Variants in ALG6 observed in about 807,000 individuals in gnomAD.
The protein encoded by ALG6 is dolichyl pyrophosphate Man9GlcNAc2 alpha-1,3-glucosyltransferase.
In ALG6, 46 loss-of-function variants were observed where a neutral mutation model predicts 66.6. That is an observed-to-expected ratio of 0.69 (90% CI 0.55 to 0.88). The LOEUF (loss-of-function observed/expected upper bound fraction) is 0.88. Ranked by LOEUF, ALG6 falls within the 40% of genes least tolerant of loss-of-function variation. The probability of loss-of-function intolerance (pLI) is 0.00; values close to 1 mark genes in which losing one functional copy is unlikely to be tolerated. For missense variants in ALG6, 505 were observed against 586.8 expected (o/e 0.86, Z 1.44); for synonymous variants, 185 against 203.7 (o/e 0.91, Z 0.78).
At chr1:63,404,350 A>C in intron 4 of ALG6, 103 bp from the exon 5 acceptor site, 11 of 924,882 alleles carry the variant, frequency 1.2e-5, no homozygotes, top group Non-Finnish European at 1.8e-5. Context: ...TATAAGAGAA[A>C]TGGCCAATTC....
intron 2 of ALG6, among the ~76,000 whole-genome samples, chr1:63,375,928 T>C (rs1648109072): frequency 6.6e-6 from 1 of 152,218 alleles, no homozygotes. Context: ...TTACATTTTC[T>C]GCTGTATCAA....
At chr1:63,434,712 A>C (rs2100446042) in intron 14 of ALG6, among the ~76,000 whole-genome samples, 1 of 152,306 alleles carries the variant, frequency 6.6e-6, no homozygotes, top group East Asian at 1.9e-4. Context: ...GGAAGCCAAA[A>C]GATTGGACAA....
chr1:63,389,174 C>G (rs1287344882), intron 2 of ALG6, among the ~76,000 whole-genome samples: 2 of 152,016 alleles, frequency 1.3e-5, no homozygotes, highest in Non-Finnish European at 2.9e-5. Flanking sequence ...CCTGATCTCT[C>G]TCTCTCTCTC....
chr1:63,376,035 G>A (rs1470420788), intron 2 of ALG6, among the ~76,000 whole-genome samples: 2 of 152,108 alleles, frequency 1.3e-5, no homozygotes. Context: ...TATTAGTACA[G>A]TCATGCATTG....
At chr1:63,372,358 C>T (rs1647956470) in intron 2 of ALG6, among the ~76,000 whole-genome samples, 1 of 152,014 alleles carries the variant, frequency 6.6e-6, no homozygotes, top group Non-Finnish European at 1.5e-5. Context: ...ATGATATATA[C>T]ACAGACACAT....
At chr1:63,414,552 G>A (rs1286916604) in intron 10 of ALG6, among the ~76,000 whole-genome samples, 4 of 152,062 alleles carry the variant, frequency 2.6e-5, no homozygotes, top group Non-Finnish European at 5.9e-5. Flanking sequence ...ACCCAGCCGA[G>A]GTGTTTTTCT....
intron 4 of ALG6, among the ~76,000 whole-genome samples, chr1:63,403,398 C>T (rs780762656): frequency 6.6e-6 from 1 of 152,048 alleles, no homozygotes; most frequent in Non-Finnish European, 1.5e-5. Flanking sequence ...ATGGGAATTC[C>T]TCCTCCTTTT....
intron 4 of ALG6, among the ~76,000 whole-genome samples, chr1:63,403,141 TTTC>T (rs1006456006): frequency 6.7e-6 from 1 of 150,250 alleles, no homozygotes. Flanking sequence ...AGTTTGAACA[TTTC>T]TATAATTTTT....
chr1:63,382,640 AG>A, intron 2 of ALG6, among the ~76,000 whole-genome samples: 1 of 108,082 alleles, frequency 9.3e-6, no homozygotes, highest in South Asian at 3.8e-4. Flanking sequence ...TGCCTGGCTA[AG>A]TTTTTTTTTG....
intron 3 of ALG6, among the ~76,000 whole-genome samples, chr1:63,397,113 A>C (rs1478473019): frequency 6.6e-6 from 1 of 151,898 alleles, no homozygotes; most frequent in Non-Finnish European, 1.5e-5. Context: ...AATACCGTGC[A>C]TCTAGTATAG....
chr1:63,388,156 T>A (rs144755377), intron 2 of ALG6, among the ~76,000 whole-genome samples: 2 of 152,104 alleles, frequency 1.3e-5, no homozygotes, highest in East Asian at 3.9e-4. Flanking sequence ...TGACCTCAAG[T>A]GATCTGCCCA....
intron 2 of ALG6, among the ~76,000 whole-genome samples, chr1:63,387,588 C>G (rs1648541663): frequency 8.0e-6 from 1 of 125,638 alleles, no homozygotes; most frequent in South Asian, 2.6e-4. Flanking sequence ...GTTGCCCAGG[C>G]TGGAGTGCAG....
At chr1:63,409,082 A>C (rs1210931074) in intron 7 of ALG6, among the ~76,000 whole-genome samples, 2 of 152,184 alleles carry the variant, frequency 1.3e-5, no homozygotes, top group African/African-American at 4.8e-5. Context: ...GCCTAGCTCT[A>C]AGGACACATT....
intron 5 of ALG6, among the ~76,000 whole-genome samples, chr1:63,405,374 C>T (rs983924340): frequency 1.3e-5 from 2 of 152,072 alleles, no homozygotes; most frequent in Non-Finnish European, 2.9e-5. Context: ...TCAGAGAGCT[C>T]CAGTCATTAA....
chr1:63,391,351 A>G (rs1385710317), intron 2 of ALG6, among the ~76,000 whole-genome samples: 2 of 152,216 alleles, frequency 1.3e-5, no homozygotes, highest in Non-Finnish European at 2.9e-5. Flanking sequence ...AACTTTGATG[A>G]AGAGGGGAGA....
chr1:63,428,711 A>G (rs746922320), intron 12 of ALG6, 22 bp from the exon 13 acceptor site: 2 of 1,499,466 alleles, frequency 1.3e-6, no homozygotes, highest in African/African-American at 2.8e-5. Flanking sequence ...ATATTAAAAT[A>G]TTTTTTTCTT....
chr1:63,381,499 G>T (rs370646728), intron 2 of ALG6, among the ~76,000 whole-genome samples: 2 of 151,770 alleles, frequency 1.3e-5, no homozygotes, highest in African/African-American at 4.8e-5. Context: ...CCAAAATTAG[G>T]TGGGCATGGT....
chr1:63,424,024 G>A (rs1644601881), intron 12 of ALG6, among the ~76,000 whole-genome samples: 1 of 152,144 alleles, frequency 6.6e-6, no homozygotes, highest in African/African-American at 2.4e-5. Flanking sequence ...GATATGAGTG[G>A]TATCTCATCG....
At chr1:63,402,211 A>G in intron 3 of ALG6, 43 bp from the exon 4 acceptor site, 2 of 1,167,212 alleles carry the variant, frequency 1.7e-6, no homozygotes, top group Non-Finnish European at 2.6e-6. Flanking sequence ...CTTCTTGAAT[A>G]TTGATTAACG....
Sources: gnomAD v4.1 joint callset for allele counts (sites outside exome capture counted in the v4.1 genomes callset) on GRCh38, gnomAD v4.1.1 for gene constraint, MANE v1.5 for transcripts, NCBI Gene and HGNC (gene_info 2026-07-23, HGNC 2026-07-21) for gene names.